COPG2: variants seen among roughly 807,000 people sequenced by gnomAD.
COPG2 encodes the protein coatomer subunit gamma-2.
COPG2 carries 37 observed loss-of-function variants against 46.3 expected under a neutral mutation model. That is an observed-to-expected ratio of 0.80 (90% CI 0.61 to 1.05). The LOEUF is 1.05. Among genes scored for constraint, COPG2 ranks in the 50% least tolerant of loss-of-function variants. The pLI, the probability that COPG2 is intolerant of heterozygous loss-of-function variation, is 0.00. For synonymous variants in COPG2, 159 were observed against 129.7 expected, an observed-to-expected ratio of 1.23 and a Z score of -1.53; for missense variants, 427 against 387.8, an observed-to-expected ratio of 1.10 and a Z score of -0.85.
At chr7:130,608,174 C>T in intron 9 of COPG2, 1 of 437,222 alleles carries the variant, frequency 2.3e-6, no homozygotes, top group Non-Finnish European at 4.5e-6. Flanking sequence ...CAATATTCAT[C>T]CTTATCACAG....
At chr7:130,576,733 A>G (rs572696876) in intron 9 of COPG2, among the ~76,000 whole-genome samples, 4 of 152,302 alleles carry the variant, frequency 2.6e-5, no homozygotes, top group South Asian at 4.2e-4. Flanking sequence ...ACCTAAACCT[A>G]GCAGAAGAAA....
At chr7:130,624,406 C>T (rs1795085026) in intron 5 of COPG2, among the ~76,000 whole-genome samples, 1 of 152,032 alleles carries the variant, frequency 6.6e-6, no homozygotes, top group Non-Finnish European at 1.5e-5. Context: ...TCTATGAAGA[C>T]TATTGATTTT....
At chr7:130,507,616 A>T in intron 22 of COPG2, 69 bp downstream of exon 22, 1 of 707,648 alleles carries the variant, frequency 1.4e-6, no homozygotes, top group Non-Finnish European at 2.6e-6. Flanking sequence ...GTTCTTCTGG[A>T]GTAACAAATA....
At chr7:130,591,469 A>G (rs1584988298) in intron 9 of COPG2, among the ~76,000 whole-genome samples, 1 of 58,912 alleles carries the variant, frequency 1.7e-5, no homozygotes, top group Non-Finnish European at 3.4e-5. Flanking sequence ...TCCGGGAGGG[A>G]GGTGGGGGGG....
At chr7:130,533,655 ATG>A (rs1799850478) in intron 20 of COPG2, among the ~76,000 whole-genome samples, 1 of 152,132 alleles carries the variant, frequency 6.6e-6, no homozygotes, top group South Asian at 2.1e-4. Context: ...TGAATACAGC[ATG>A]TTAGGGACAA....
intron 9 of COPG2, among the ~76,000 whole-genome samples, chr7:130,586,471 A>C (rs930500385): frequency 1.3e-5 from 2 of 151,496 alleles, no homozygotes; most frequent in African/African-American, 4.8e-5. Flanking sequence ...GGAAAAAAAA[A>C]TTTTTTTTTG....
At chr7:130,577,942 G>C (rs1345821818) in intron 9 of COPG2, among the ~76,000 whole-genome samples, 2 of 152,162 alleles carry the variant, frequency 1.3e-5, no homozygotes, top group Non-Finnish European at 2.9e-5. Flanking sequence ...CCATTGCCCA[G>C]GCTTGCTTAG....
chr7:130,513,311 ATATATAT>A (rs1563034029), intron 20 of COPG2, among the ~76,000 whole-genome samples: 15 of 42,196 alleles, frequency 3.6e-4, no homozygotes, highest in African/African-American at 5.0e-4. Flanking sequence ...AAAAAAAAAT[ATATATAT>A]ATATATATAT....
chr7:130,513,881 G>A (rs570964405), intron 20 of COPG2, among the ~76,000 whole-genome samples: 8 of 152,270 alleles, frequency 5.3e-5, no homozygotes, highest in African/African-American at 2.4e-5. Context: ...CAGAAGAGAC[G>A]GAGTCATTTG....
rs993686511 is a variant in COPG2 at position 130,603,395 on chromosome 7, T to C, written c.737+7558A>G. Among the ~76,000 whole-genome samples the C allele has an allele frequency of 2.6e-5, 4 of 152,314 alleles. No homozygotes were observed. In the East Asian group the frequency reaches 7.7e-4, roughly 29 times the overall value. On this transcript the variant is annotated intron_variant, in intron 9 of 23. Coordinates refer to ENST00000425248, the MANE Select transcript of COPG2 (RefSeq NM_012133.6). ...GAATATACCACAATTTATTTTTTGA[T>C]TCTGGCACTGATAGACATTTGGACT... is the stretch of plus-strand genomic sequence containing the variant.
At chr7:130,605,859 A>G (rs372891786) in intron 9 of COPG2, 84 of 473,616 alleles carry the variant, frequency 1.8e-4, no homozygotes, top group East Asian at 6.4e-4. Context: ...GTTGTAAGCC[A>G]TTACATTTAA....
At chr7:130,561,397 C>T (rs1307699976) in intron 11 of COPG2, among the ~76,000 whole-genome samples, 176 bp from the exon 12 acceptor site, 3 of 152,194 alleles carry the variant, frequency 2.0e-5, no homozygotes, top group African/African-American at 4.8e-5. Flanking sequence ...AAATGATCAA[C>T]GGCCAGAGTA....
At chr7:130,580,042 AT>A (rs1287659858) in intron 9 of COPG2, among the ~76,000 whole-genome samples, 2 of 150,214 alleles carry the variant, frequency 1.3e-5, no homozygotes, top group African/African-American at 4.9e-5. Context: ...CAGAATATAC[AT>A]TTTTTTCAGC....
At chr7:130,507,588 T>G (rs1221468029) in intron 22 of COPG2, 97 bp downstream of exon 22, 3 of 649,080 alleles carry the variant, frequency 4.6e-6, no homozygotes, top group Non-Finnish European at 8.4e-6. Flanking sequence ...TTTATGAAGT[T>G]TTTTTTTTTT....
At position 130,662,530 on chromosome 7, in the gene COPG2, T is replaced by C. The variant is rs1795998903; in HGVS notation, c.243+437A>G. Reference sequence around the variant, plus strand: ...GGCCTAAGGTAATGAGAGGCAGGTTTAGTTTGTACTCATTTTTCTTTTTCC... The same window carrying C: ...GGCCTAAGGTAATGAGAGGCAGGTTCAGTTTGTACTCATTTTTCTTTTTCC... On this transcript the variant is annotated intron_variant, in intron 4 of 23. Coordinates refer to ENST00000425248, the MANE Select transcript of COPG2 (RefSeq NM_012133.6). Among the ~76,000 whole-genome samples the C allele has an allele frequency of 2.0e-5, 3 of 152,214 alleles. No individual in the cohort carries two copies. The South Asian group carries it at 6.2e-4, about 32-fold the overall frequency.
At chr7:130,530,724 G>T (rs1272463804) in intron 20 of COPG2, among the ~76,000 whole-genome samples, 4 of 152,034 alleles carry the variant, frequency 2.6e-5, no homozygotes, top group African/African-American at 4.8e-5. Context: ...TGTGGAAGTG[G>T]GACGATGAGG....
intron 20 of COPG2, chr7:130,508,974 G>A (rs1554440606): frequency 6.2e-6 from 3 of 481,564 alleles, no homozygotes; most frequent in South Asian, 5.1e-5. Flanking sequence ...CCTATCAAAG[G>A]GGCCTAAATG....
At chr7:130,521,134 A>G (rs1193477975) in intron 20 of COPG2, among the ~76,000 whole-genome samples, 1 of 152,232 alleles carries the variant, frequency 6.6e-6, no homozygotes, top group Non-Finnish European at 1.5e-5. Flanking sequence ...CACACAGGAT[A>G]ATGAAAATTG....
In COPG2 at chr7:130,531,791, C is replaced by G. The variant is rs1021371290; in HGVS notation, c.2149+15883G>C. ...CTGAAGTGCAGGGAACCAAGGTGGT[C>G]GCAGGGAGTCAAGGTGGCCGTCCAC... On this transcript the variant is annotated intron_variant, in intron 20 of 23. Transcript: ENST00000425248. Among the ~76,000 whole-genome samples, 63 of 140,344 alleles carry G rather than the reference C, an allele frequency of 4.5e-4. 2 individuals carry two copies. In the East Asian group the frequency reaches 0.013, roughly 30 times the overall value. 92.1% of individuals were successfully genotyped at this position (140,344 alleles called of 152,430 possible). A position where few individuals can be genotyped will look rare whatever the true frequency, so the allele number is the denominator to read the frequency against.
Sources: allele counts gnomAD v4.1 joint callset (sites outside exome capture counted in the v4.1 genomes callset), GRCh38; gene constraint gnomAD v4.1.1; transcripts MANE v1.5; gene names NCBI Gene and HGNC (gene_info 2026-07-23, HGNC 2026-07-21).